Variants in KCNH5 observed in about 807,000 individuals in gnomAD.
The protein encoded by KCNH5 is potassium voltage-gated channel subfamily H member 5.
Under a neutral mutation model 96.1 loss-of-function variants are expected in KCNH5, and 46 were observed. The ratio of observed to expected loss-of-function variants is 0.48; its 90% CI spans 0.38 to 0.61. KCNH5 has a LOEUF of 0.61. Ranked by LOEUF, KCNH5 falls within the 20% of genes least tolerant of loss-of-function variation. KCNH5 has a pLI of 0.00. For synonymous variants in KCNH5, 439 were observed against 449.8 expected (o/e 0.98, Z 0.30); for missense variants, 907 against 1,225.8 (o/e 0.74, Z 3.88).
rs575406336 is a variant in KCNH5, at chr14:62,737,340, A to G, written c.2020-28885T>C. The stretch of plus-strand genomic sequence containing the variant: ...GGCATATCTATTGCATGAATAGGTT[A>G]TATCTTGCACCTTAGAGGGAGCACA... On this transcript the variant is annotated intron_variant, in intron 10 of 10. Coordinates refer to ENST00000322893, the MANE Select transcript of KCNH5 (RefSeq NM_139318.5). 4.1e-4 allele frequency among the ~76,000 whole-genome samples: 62 copies of G among 152,328 alleles called. No homozygotes were observed. In the Middle Eastern group the frequency reaches 0.017, roughly 42 times the overall value.
chr14:62,714,376 T>G (rs1203725728), intron 10 of KCNH5, among the ~76,000 whole-genome samples: 2 of 152,164 alleles, frequency 1.3e-5, no homozygotes, highest in East Asian at 3.9e-4. Context: ...GTGGAAACAT[T>G]GATGAATTTG....
At chr14:63,026,906 T>G (rs1046597231) in intron 1 of KCNH5, among the ~76,000 whole-genome samples, 10 of 152,120 alleles carry the variant, frequency 6.6e-5, no homozygotes, top group African/African-American at 2.4e-4. Flanking sequence ...TGCATGCTCA[T>G]GGTTATTGCT....
chr14:62,871,759 T>C (rs968648733), intron 7 of KCNH5, among the ~76,000 whole-genome samples: 11 of 152,186 alleles, frequency 7.2e-5, no homozygotes, highest in Non-Finnish European at 1.5e-5. Flanking sequence ...TGCTTCCATG[T>C]GCATCAGTGT....
At chr14:62,987,839 T>A (rs945410500) in intron 4 of KCNH5, among the ~76,000 whole-genome samples, 4 of 152,172 alleles carry the variant, frequency 2.6e-5, no homozygotes, top group Admixed American at 1.3e-4. Context: ...AGTCTTACCC[T>A]AATTATAATA....
At chr14:62,733,622 C>T (rs940900502) in intron 10 of KCNH5, among the ~76,000 whole-genome samples, 1 of 152,108 alleles carries the variant, frequency 6.6e-6, no homozygotes, top group African/African-American at 2.4e-5. Context: ...GCCACTATTC[C>T]CACATATAAC....
chr14:62,836,600 C>A (rs1230447294), intron 8 of KCNH5, among the ~76,000 whole-genome samples: 2 of 152,096 alleles, frequency 1.3e-5, no homozygotes, highest in Non-Finnish European at 2.9e-5. Flanking sequence ...ATTCTCAATG[C>A]AGGCAAGAGC....
At chr14:62,971,094 G>A (rs1890398798) in intron 6 of KCNH5, among the ~76,000 whole-genome samples, 1 of 152,082 alleles carries the variant, frequency 6.6e-6, no homozygotes, top group East Asian at 1.9e-4. Flanking sequence ...TCCATGAGAT[G>A]AGATGATTAT....
chr14:62,801,000 G>A (rs1886648463), intron 9 of KCNH5, among the ~76,000 whole-genome samples: 1 of 151,374 alleles, frequency 6.6e-6, no homozygotes, highest in Non-Finnish European at 1.5e-5. Context: ...ATGCAGTTAA[G>A]GAAAGGCTTA....
intron 10 of KCNH5, among the ~76,000 whole-genome samples, chr14:62,715,532 G>C (rs896545055): frequency 6.6e-6 from 1 of 152,144 alleles, no homozygotes; most frequent in Non-Finnish European, 1.5e-5. Flanking sequence ...ATATATCAGA[G>C]GCTGTACACT....
chr14:62,904,641 A>G (rs1888992315), intron 7 of KCNH5, among the ~76,000 whole-genome samples: 1 of 152,076 alleles, frequency 6.6e-6, no homozygotes, highest in Non-Finnish European at 1.5e-5. Flanking sequence ...TAGAAAAAAC[A>G]TTTTCTTTTA....
chr14:63,019,593 C>A (rs1001134596), intron 1 of KCNH5, among the ~76,000 whole-genome samples: 2 of 151,854 alleles, frequency 1.3e-5, no homozygotes, highest in Admixed American at 1.3e-4. Context: ...TAGGTAAAGT[C>A]TTTTTCAATG....
intron 8 of KCNH5, among the ~76,000 whole-genome samples, chr14:62,808,233 T>G (rs1886808144): frequency 6.6e-6 from 1 of 152,134 alleles, no homozygotes; most frequent in Admixed American, 6.6e-5. Flanking sequence ...GTGGATTTTT[T>G]TGTGTGTAAA....
intron 10 of KCNH5, among the ~76,000 whole-genome samples, chr14:62,734,582 C>T (rs1199770851): frequency 6.6e-6 from 1 of 152,104 alleles, no homozygotes. Context: ...CCTATTTACC[C>T]AATCCCCACA....
At chr14:62,789,401 A>T (rs1054459736) in intron 9 of KCNH5, among the ~76,000 whole-genome samples, 1 of 152,034 alleles carries the variant, frequency 6.6e-6, no homozygotes, top group East Asian at 1.9e-4. Context: ...GGGGGTGCAG[A>T]TATCTCTAGG....
chr14:62,755,252 AG>A (rs1885595578), intron 10 of KCNH5, among the ~76,000 whole-genome samples: 1 of 152,192 alleles, frequency 6.6e-6, no homozygotes. Context: ...AAAAGGATAA[AG>A]TATAACCAAT....
At chr14:62,886,961 T>C in intron 7 of KCNH5, among the ~76,000 whole-genome samples, 1 of 152,200 alleles carries the variant, frequency 6.6e-6, no homozygotes, top group East Asian at 1.9e-4. Flanking sequence ...AGTGTTAAAA[T>C]ATTTCTATAC....
intron 3 of KCNH5, 107 bp from the exon 4 acceptor site, chr14:63,001,566 G>T: frequency 9.9e-7 from 1 of 1,008,294 alleles, no homozygotes; most frequent in African/African-American, 1.7e-5. Context: ...AGCTGTGCCA[G>T]GAATCAACAC....
intron 7 of KCNH5, among the ~76,000 whole-genome samples, chr14:62,908,341 A>G (rs28608483): frequency 0.12 from 17,892 of 152,082 alleles, 1,121 homozygotes; most frequent in African/African-American, 0.17. Context: ...TGACAGACGG[A>G]TACGTCTGAC....
intron 1 of KCNH5, among the ~76,000 whole-genome samples, chr14:63,035,403 G>A (rs1891704270): frequency 6.6e-6 from 1 of 152,170 alleles, no homozygotes; most frequent in Non-Finnish European, 1.5e-5. Context: ...AATTTTCTAA[G>A]GCTTTCTCCT....
Sources: gnomAD v4.1 joint callset for allele counts (sites outside exome capture counted in the v4.1 genomes callset) on GRCh38, gnomAD v4.1.1 for gene constraint, MANE v1.5 for transcripts, NCBI Gene and HGNC (gene_info 2026-07-23, HGNC 2026-07-21) for gene names.